Variants in ABTB3 observed in about 807,000 individuals in gnomAD.
The protein encoded by ABTB3 is ankyrin repeat- and BTB/POZ domain-containing protein 3.
At chr12:107,454,412 A>G in the ABTB3 span, among the ~76,000 whole-genome samples, 4 of 152,180 alleles carry the variant, frequency 2.6e-5, no homozygotes, top group African/African-American at 9.7e-5. Flanking sequence ...TTTTGCTCCT[A>G]AGTAGGAAGC....
chr12:107,577,675 T>C, the ABTB3 span, among the ~76,000 whole-genome samples: 2 of 152,164 alleles, frequency 1.3e-5, no homozygotes, highest in Non-Finnish European at 2.9e-5. Context: ...AAGATGTAGA[T>C]GGCCACTGTC....
the ABTB3 span, among the ~76,000 whole-genome samples, chr12:107,628,693 T>C: frequency 2.2e-4 from 34 of 152,344 alleles, no homozygotes; most frequent in African/African-American, 7.2e-4. Context: ...GGGAAATTGC[T>C]GTTTAGGAGT....
chr12:107,519,391 C>T, the ABTB3 span, among the ~76,000 whole-genome samples: 14 of 146,628 alleles, frequency 9.5e-5, no homozygotes, highest in South Asian at 4.2e-4. Flanking sequence ...AGCACAATCT[C>T]GGCTCATCAC....
chr12:107,371,125 C>G, the ABTB3 span, among the ~76,000 whole-genome samples: 1 of 152,044 alleles, frequency 6.6e-6, no homozygotes, highest in Non-Finnish European at 1.5e-5. Flanking sequence ...TTTCATTCCT[C>G]TCTGGATCCT....
chr12:107,648,676 G>C, the ABTB3 span, among the ~76,000 whole-genome samples: 1 of 152,160 alleles, frequency 6.6e-6, no homozygotes. Context: ...CATGGAGCTA[G>C]GCACATTGTA....
the ABTB3 span, among the ~76,000 whole-genome samples, chr12:107,647,896 A>G: frequency 6.7e-3 from 1,020 of 152,310 alleles, 6 homozygotes; most frequent in Non-Finnish European, 0.011. Flanking sequence ...AGGCAGCCCA[A>G]TTCCAGGCTT....
the ABTB3 span, among the ~76,000 whole-genome samples, chr12:107,544,376 G>A: frequency 6.6e-6 from 1 of 152,288 alleles, no homozygotes; most frequent in East Asian, 1.9e-4. Flanking sequence ...TGTCAGATAA[G>A]TGGGTCTGCA....
chr12:107,467,613 TACAC>T, the ABTB3 span, among the ~76,000 whole-genome samples: 1 of 151,824 alleles, frequency 6.6e-6, no homozygotes, highest in Non-Finnish European at 1.5e-5. Context: ...CATGCACTCA[TACAC>T]ACACACACAA....
the ABTB3 span, among the ~76,000 whole-genome samples, chr12:107,472,412 C>T: frequency 2.0e-5 from 3 of 152,176 alleles, no homozygotes; most frequent in African/African-American, 7.2e-5. Flanking sequence ...CAAAGCTCAA[C>T]AAGCTATAGG....
chr12:107,654,794 G>C, the ABTB3 span, among the ~76,000 whole-genome samples: 1 of 136,582 alleles, frequency 7.3e-6, no homozygotes, highest in Admixed American at 7.5e-5. Context: ...AAATCAAAAA[G>C]TACAGTCAGT....
chr12:107,615,566 C>T, the ABTB3 span, among the ~76,000 whole-genome samples: 1 of 152,180 alleles, frequency 6.6e-6, no homozygotes, highest in East Asian at 1.9e-4. Context: ...CATTGGTTTC[C>T]AGCCAGTGGG....
the ABTB3 span, among the ~76,000 whole-genome samples, chr12:107,325,239 C>G: frequency 6.6e-6 from 1 of 152,198 alleles, no homozygotes; most frequent in South Asian, 2.1e-4. Flanking sequence ...GTTTTCAGGT[C>G]TCTTGCTTTT....
At chr12:107,471,014 G>C in the ABTB3 span, among the ~76,000 whole-genome samples, 3 of 152,230 alleles carry the variant, frequency 2.0e-5, no homozygotes, top group Non-Finnish European at 4.4e-5. Flanking sequence ...GTGATGTACT[G>C]AGCATGCCAG....
At chr12:107,507,340 C>T in the ABTB3 span, among the ~76,000 whole-genome samples, 1 of 152,248 alleles carries the variant, frequency 6.6e-6, no homozygotes, top group East Asian at 1.9e-4. Flanking sequence ...GATCCACAGG[C>T]AGCATTCTGA....
At chr12:107,649,004 T>C in the ABTB3 span, among the ~76,000 whole-genome samples, 1 of 152,264 alleles carries the variant, frequency 6.6e-6, no homozygotes, top group East Asian at 1.9e-4. Context: ...TCAAACTATC[T>C]GACTGATGAA....
the ABTB3 span, among the ~76,000 whole-genome samples, chr12:107,338,065 T>C: frequency 6.6e-6 from 1 of 152,310 alleles, no homozygotes; most frequent in East Asian, 1.9e-4. Context: ...AACCATTTTT[T>C]TTCCCCAGAA....
the ABTB3 span, among the ~76,000 whole-genome samples, chr12:107,443,924 G>T: frequency 1.3e-5 from 2 of 152,188 alleles, no homozygotes; most frequent in African/African-American, 4.8e-5. Flanking sequence ...AAGACCAAAG[G>T]CCCTGTGAAC....
the ABTB3 span, among the ~76,000 whole-genome samples, chr12:107,350,457 G>T: frequency 1.1e-4 from 16 of 152,086 alleles, no homozygotes; most frequent in Admixed American, 2.6e-4. Flanking sequence ...GGAGTCTGAG[G>T]CAGGAGAATG....
At chr12:107,586,757 T>C in the ABTB3 span, among the ~76,000 whole-genome samples, 1 of 152,114 alleles carries the variant, frequency 6.6e-6, no homozygotes, top group Non-Finnish European at 1.5e-5. Flanking sequence ...CAAACATGTA[T>C]GGAGCACCTG....
Sources: gnomAD v4.1 joint callset for allele counts (sites outside exome capture counted in the v4.1 genomes callset) on GRCh38, gnomAD v4.1.1 for gene constraint, MANE v1.5 for transcripts, NCBI Gene and HGNC (gene_info 2026-07-23, HGNC 2026-07-21) for gene names.